SLC38A12: variants seen among roughly 807,000 people sequenced by gnomAD.
SLC38A12 encodes the protein solute carrier family 38 member 12.
At chr17:74,824,733 T>A in the SLC38A12 span, among the ~76,000 whole-genome samples, 1 of 152,324 alleles carries the variant, frequency 6.6e-6, no homozygotes, top group Middle Eastern at 3.4e-3. Flanking sequence ...TTTGCATCTG[T>A]GTTCCCCTCA....
At chr17:74,838,708 C>A in the SLC38A12 span, 1 of 1,436,312 alleles carries the variant, frequency 7.0e-7, no homozygotes. Context: ...CCTTCCTCTC[C>A]ATCGATGCCA....
At chr17:74,803,993 A>T in the SLC38A12 span, among the ~76,000 whole-genome samples, 1 of 152,244 alleles carries the variant, frequency 6.6e-6, no homozygotes, top group Non-Finnish European at 1.5e-5. Context: ...GTTTGAGAGT[A>T]ACATGGAATG....
chr17:74,836,059 A>G, the SLC38A12 span: 1 of 1,610,532 alleles, frequency 6.2e-7, no homozygotes, highest in Non-Finnish European at 8.5e-7. This position sits in a 1 kb window ranked among gnomAD's most constrained non-coding sequence, Gnocchi z 4.2. Flanking sequence ...ATGTGCCAGC[A>G]CTCTCTGCCA....
the SLC38A12 span, among the ~76,000 whole-genome samples, chr17:74,805,406 G>A: frequency 3.9e-5 from 6 of 152,282 alleles, no homozygotes; most frequent in South Asian, 4.1e-4. This position sits in a 1 kb window ranked among gnomAD's most constrained non-coding sequence, Gnocchi z 5.0. Flanking sequence ...TGTCCCTAGC[G>A]GGTGGTGCTC....
chr17:74,789,287 T>C, the SLC38A12 span, among the ~76,000 whole-genome samples: 1 of 152,114 alleles, frequency 6.6e-6, no homozygotes, highest in East Asian at 1.9e-4. Context: ...CCCAGCACTT[T>C]GGGAGGCCAA....
At chr17:74,838,058 C>A in the SLC38A12 span, 2 of 985,786 alleles carry the variant, frequency 2.0e-6, no homozygotes, top group Admixed American at 6.1e-5. Flanking sequence ...TCTCCCGGGG[C>A]CCAAGGTGGT....
chr17:74,790,021 A>T, the SLC38A12 span, among the ~76,000 whole-genome samples: 1 of 148,160 alleles, frequency 6.7e-6, no homozygotes, highest in East Asian at 2.0e-4. Context: ...TGTTGCAATC[A>T]CGGCTCACTG....
the SLC38A12 span, chr17:74,790,314 C>CGCGGGCCCGGAGGGAAGT: frequency 6.2e-7 from 1 of 1,609,428 alleles, no homozygotes; most frequent in Non-Finnish European, 8.5e-7. Flanking sequence ...TTGGGGTTCT[C>CGCGGGCCCGGAGGGAAGT]GCGGGCCCGC....
chr17:74,781,297 A>G, the SLC38A12 span, among the ~76,000 whole-genome samples: 1 of 151,868 alleles, frequency 6.6e-6, no homozygotes, highest in Admixed American at 6.6e-5. Flanking sequence ...AAGAACCATT[A>G]CTTTCTTTTT....
At chr17:74,789,755 G>A in the SLC38A12 span, among the ~76,000 whole-genome samples, 1 of 145,448 alleles carries the variant, frequency 6.9e-6, no homozygotes, top group Non-Finnish European at 1.5e-5. Flanking sequence ...TGAGGCAGGA[G>A]AATCACTTGA....
At chr17:74,783,297 A>G in the SLC38A12 span, among the ~76,000 whole-genome samples, 1 of 152,194 alleles carries the variant, frequency 6.6e-6, no homozygotes, top group Admixed American at 6.5e-5. Context: ...GACGCAGCCC[A>G]CGGCCACAGT....
chr17:74,837,567 G>A, the SLC38A12 span: 1 of 985,484 alleles, frequency 1.0e-6, no homozygotes, highest in Non-Finnish European at 1.2e-6. Flanking sequence ...GGGCTCTGAG[G>A]TTCCCACCCT....
the SLC38A12 span, among the ~76,000 whole-genome samples, chr17:74,797,153 G>T: frequency 6.6e-6 from 1 of 152,206 alleles, no homozygotes; most frequent in Non-Finnish European, 1.5e-5. Context: ...TGGGAATATT[G>T]GCTGCTGCCA....
At chr17:74,835,276 C>T in the SLC38A12 span, among the ~76,000 whole-genome samples, 1 of 152,214 alleles carries the variant, frequency 6.6e-6, no homozygotes, top group Non-Finnish European at 1.5e-5. Flanking sequence ...AGCCTTGGTC[C>T]TTGATGCTAT....
the SLC38A12 span, among the ~76,000 whole-genome samples, chr17:74,822,782 C>A: frequency 6.6e-6 from 1 of 152,204 alleles, no homozygotes; most frequent in South Asian, 2.1e-4. Context: ...AGCACTGGAA[C>A]CAGCGGGGTA....
At chr17:74,783,475 G>A in the SLC38A12 span, among the ~76,000 whole-genome samples, 7 of 152,196 alleles carry the variant, frequency 4.6e-5, no homozygotes, top group African/African-American at 9.7e-5. Context: ...GGGCCCTGAA[G>A]GCTGGGTAGG....
chr17:74,810,381 G>A, the SLC38A12 span, among the ~76,000 whole-genome samples: 10 of 152,200 alleles, frequency 6.6e-5, no homozygotes, highest in Non-Finnish European at 1.2e-4. Context: ...TAGTTGAGGG[G>A]TTTGGGAAGA....
At chr17:74,806,928 A>G in the SLC38A12 span, among the ~76,000 whole-genome samples, 1 of 152,090 alleles carries the variant, frequency 6.6e-6, no homozygotes, top group African/African-American at 2.4e-5. Flanking sequence ...AGCGCCTCAC[A>G]GCAGAACTGC....
At chr17:74,782,400 C>A in the SLC38A12 span, among the ~76,000 whole-genome samples, 2 of 152,140 alleles carry the variant, frequency 1.3e-5, no homozygotes, top group Non-Finnish European at 2.9e-5. Context: ...GTTTCCTCCT[C>A]CTTAGAACGT....
Sources: allele counts gnomAD v4.1 joint callset (sites outside exome capture counted in the v4.1 genomes callset), GRCh38; gene constraint gnomAD v4.1.1; non-coding constraint Gnocchi (gnomAD v3.1); transcripts MANE v1.5; gene names NCBI Gene and HGNC (gene_info 2026-07-23, HGNC 2026-07-21).